Variants in GPM6A observed in about 807,000 individuals in gnomAD.
GPM6A encodes neuronal membrane glycoprotein M6-a.
Under a neutral mutation model 32.1 loss-of-function variants are expected in GPM6A, and 7 were observed. The ratio of observed to expected loss-of-function variants is 0.22; its 90% confidence interval spans 0.12 to 0.41. The LOEUF is 0.41. Ranked by LOEUF, GPM6A falls within the 10% of genes least tolerant of loss-of-function variation. The probability of loss-of-function intolerance (pLI) is 1.00; values close to 1 mark genes in which losing one functional copy is unlikely to be tolerated. For missense variants in GPM6A, 235 were observed against 347.2 expected (o/e 0.68, Z 2.57); for synonymous variants, 130 against 123.4 (o/e 1.05, Z -0.35).
intron 1 of GPM6A, among the ~76,000 whole-genome samples, chr4:175,935,899 ATGTTAATT>A (rs1248975970): frequency 1.3e-5 from 2 of 152,214 alleles, no homozygotes; most frequent in East Asian, 3.9e-4. Flanking sequence ...ATTAAGAAAG[ATGTTAATT>A]TGTTACAGCA....
At chr4:175,944,862 C>T (rs1384631323) in intron 1 of GPM6A, among the ~76,000 whole-genome samples, 1 of 151,850 alleles carries the variant, frequency 6.6e-6, no homozygotes, top group Non-Finnish European at 1.5e-5. Context: ...GCTTTACCGA[C>T]TGCAGTCTTC....
chr4:175,884,089 A>C (rs1737367788), intron 1 of GPM6A, among the ~76,000 whole-genome samples: 2 of 152,112 alleles, frequency 1.3e-5, no homozygotes, highest in Admixed American at 1.3e-4. Flanking sequence ...TGTGTAGAGC[A>C]GCGTGACTTT....
intron 1 of GPM6A, among the ~76,000 whole-genome samples, chr4:175,803,552 G>T (rs1373851428): frequency 6.6e-6 from 1 of 152,102 alleles, no homozygotes; most frequent in African/African-American, 2.4e-5. Context: ...AATTGTAATA[G>T]GCGCTTTTAC....
intron 1 of GPM6A, among the ~76,000 whole-genome samples, chr4:175,943,845 G>C (rs868058925): frequency 1.3e-5 from 2 of 152,152 alleles, no homozygotes; most frequent in Middle Eastern, 6.8e-3. Context: ...GATTTTCTTT[G>C]TTTGTTGTGT....
chr4:175,941,531 C>T (rs1341823544), intron 1 of GPM6A, among the ~76,000 whole-genome samples: 1 of 152,054 alleles, frequency 6.6e-6, no homozygotes, highest in East Asian at 1.9e-4. Flanking sequence ...AAATGCTATC[C>T]CTCCCCTAAC....
chr4:175,923,234 T>A (rs1403216780), intron 1 of GPM6A, among the ~76,000 whole-genome samples: 1 of 24,764 alleles, frequency 4.0e-5, no homozygotes, highest in African/African-American at 6.8e-5. Flanking sequence ...TATATATATA[T>A]ATATATATAT....
chr4:175,901,117 G>C (rs924461308), intron 1 of GPM6A, among the ~76,000 whole-genome samples: 7 of 151,148 alleles, frequency 4.6e-5, no homozygotes, highest in Non-Finnish European at 8.8e-5. Context: ...ATGGTTACCA[G>C]AGGCTGGGAA....
upstream of GPM6A, among the ~76,000 whole-genome samples, chr4:175,816,579 A>G (rs967386342): frequency 5.3e-5 from 8 of 152,156 alleles, no homozygotes; most frequent in South Asian, 2.1e-4. Flanking sequence ...AGTGAGGGGG[A>G]AAAATGTTCG....
chr4:175,678,032 A>T (rs979740543), intron 2 of GPM6A, among the ~76,000 whole-genome samples: 1 of 152,190 alleles, frequency 6.6e-6, no homozygotes, highest in East Asian at 1.9e-4. Flanking sequence ...TATATATGGA[A>T]AAAACAGCGT....
chr4:175,884,196 T>A (rs1207162504), intron 1 of GPM6A, among the ~76,000 whole-genome samples: 2 of 152,218 alleles, frequency 1.3e-5, no homozygotes, highest in African/African-American at 2.4e-5. Context: ...TTTGGGTTAA[T>A]AGAACTATAA....
chr4:175,680,283 G>A (rs1395184598), intron 2 of GPM6A, among the ~76,000 whole-genome samples: 1 of 151,998 alleles, frequency 6.6e-6, no homozygotes, highest in African/African-American at 2.4e-5. Context: ...TTCCTCCTTT[G>A]ATATTTGTAC....
intron 1 of GPM6A, among the ~76,000 whole-genome samples, chr4:175,930,578 C>A (rs559167140): frequency 1.9e-4 from 29 of 151,928 alleles, no homozygotes; most frequent in African/African-American, 5.5e-4. Flanking sequence ...TTTATAAGAA[C>A]CTTTTTTTGC....
intron 1 of GPM6A, among the ~76,000 whole-genome samples, chr4:175,897,180 G>A (rs957064454): frequency 2.0e-5 from 3 of 152,158 alleles, no homozygotes; most frequent in Non-Finnish European, 4.4e-5. Flanking sequence ...AGCCTGGGCT[G>A]GAGGGAGGAG....
chr4:175,726,869 A>G (rs1236526411), intron 1 of GPM6A, among the ~76,000 whole-genome samples: 1 of 152,060 alleles, frequency 6.6e-6, no homozygotes, highest in Non-Finnish European at 1.5e-5. Context: ...GTTGATGTGC[A>G]CCTGTAATTC....
At chr4:175,984,069 C>A (rs889107095) in intron 1 of GPM6A, among the ~76,000 whole-genome samples, 1 of 151,954 alleles carries the variant, frequency 6.6e-6, no homozygotes, top group African/African-American at 2.4e-5. Context: ...CTCTAGTTAC[C>A]AGAGATCAGA....
chr4:175,658,902 G>A (rs745475770), intron 3 of GPM6A, among the ~76,000 whole-genome samples: 4 of 152,120 alleles, frequency 2.6e-5, no homozygotes, highest in Non-Finnish European at 5.9e-5. Context: ...AATTGGCAAG[G>A]ATGATTTCAT....
chr4:175,728,743 T>C (rs536527796), intron 1 of GPM6A, among the ~76,000 whole-genome samples: 1 of 152,300 alleles, frequency 6.6e-6, no homozygotes, highest in East Asian at 1.9e-4. Flanking sequence ...CCTGTTGCAT[T>C]TCCCCTAGCC....
At chr4:175,647,317 G>A (rs1741516752) in intron 4 of GPM6A, among the ~76,000 whole-genome samples, 1 of 152,154 alleles carries the variant, frequency 6.6e-6, no homozygotes, top group Non-Finnish European at 1.5e-5. Context: ...CTCACATAAA[G>A]TTATGGGGAT....
At chr4:175,908,980 A>G (rs369915749) in intron 1 of GPM6A, among the ~76,000 whole-genome samples, 1 of 128,710 alleles carries the variant, frequency 7.8e-6, no homozygotes, top group Non-Finnish European at 1.5e-5. Context: ...TTGAACGAGG[A>G]TGCTCCCTGT....
Sources: allele counts gnomAD v4.1 joint callset (sites outside exome capture counted in the v4.1 genomes callset), GRCh38; gene constraint gnomAD v4.1.1; transcripts MANE v1.5; gene names NCBI Gene and HGNC (gene_info 2026-07-23, HGNC 2026-07-21).